The following TVP23A variants were observed in gnomAD, a reference collection of about 807,000 sequenced individuals.
TVP23A encodes Golgi apparatus membrane protein TVP23 homolog A.
A neutral mutation model predicts 31.7 loss-of-function variants in TVP23A; 21 were observed. The ratio of observed to expected loss-of-function variants is 0.66; its 90% CI spans 0.47 to 0.95. The LOEUF (loss-of-function observed/expected upper bound fraction) is 0.95. TVP23A is among the 40% of genes least tolerant of loss of function. The pLI is 0.00. For missense variants in TVP23A, 279 were observed against 255.6 expected, an observed-to-expected ratio of 1.09 and a Z score of -0.62; for synonymous variants, 104 against 96.0, an observed-to-expected ratio of 1.08 and a Z score of -0.49.
intron 2 of TVP23A, among the ~76,000 whole-genome samples, chr16:10,800,583 A>G (rs1360713300): frequency 6.6e-6 from 1 of 152,202 alleles, no homozygotes; most frequent in Non-Finnish European, 1.5e-5. Flanking sequence ...TTGAGTGGTC[A>G]TATTAACTCC....
In TVP23A at chr16:10,818,441, C is replaced by T. The variant is rs1430111891; in HGVS notation, c.9+44G>A. The T allele has an allele frequency of 6.3e-7, 1 of 1,595,340 alleles. No individual in the cohort carries two copies. The highest frequency in any genetic ancestry group is 8.5e-7 in the Non-Finnish European group (1 of 1,175,208). ...TTCTCCAGCGCTCCCGCAGGCTCCCCTCGTCCCGCCCCGCCTCCAGCCCCA... is the reference window on the plus strand; with the variant it reads ...TTCTCCAGCGCTCCCGCAGGCTCCCTTCGTCCCGCCCCGCCTCCAGCCCCA... On this transcript the variant is annotated intron_variant, in intron 1 of 7. Transcript: ENST00000299866. The surrounding 1 kb of genome is among the most constrained non-coding windows in gnomAD (Gnocchi z 4.7).
intron 2 of TVP23A, among the ~76,000 whole-genome samples, chr16:10,793,182 G>A (rs916187623): frequency 1.3e-5 from 2 of 152,030 alleles, no homozygotes; most frequent in African/African-American, 2.4e-5. Context: ...CTATCTACTC[G>A]GGAAGCTGAG....
intron 7 of TVP23A, 65 bp from the exon 8 acceptor site, chr16:10,769,166 C>A: frequency 6.6e-7 from 1 of 1,514,328 alleles, no homozygotes; most frequent in Non-Finnish European, 9.2e-7. Flanking sequence ...GCAGCACATC[C>A]AGCCAGACCC....
intron 7 of TVP23A, chr16:10,769,387 G>T: frequency 2.7e-6 from 1 of 375,434 alleles, no homozygotes; most frequent in East Asian, 5.0e-5. Context: ...AAACAAATGG[G>T]TTGTGGGATC....
chr16:10,794,240 C>T (rs1195851056), intron 2 of TVP23A, among the ~76,000 whole-genome samples: 1 of 152,220 alleles, frequency 6.6e-6, no homozygotes, highest in African/African-American at 2.4e-5. Flanking sequence ...ATGCATTTTA[C>T]AGGGGACAAA....
At chr16:10,791,406 C>T (rs1277032321) in intron 2 of TVP23A, among the ~76,000 whole-genome samples, 5 of 152,168 alleles carry the variant, frequency 3.3e-5, no homozygotes, top group Admixed American at 6.6e-5. Context: ...CTAAGGTTTT[C>T]CTTTTAATGA....
intron 6 of TVP23A, among the ~76,000 whole-genome samples, chr16:10,771,087 G>A (rs8048652): frequency 0.33 from 49,948 of 151,868 alleles, 9,110 homozygotes; most frequent in African/African-American, 0.49. Context: ...GGGGGAGTTA[G>A]TGTTTTGTGG....
At chr16:10,761,619 A>C in intron 8 of TVP23A, 2 of 982,004 alleles carry the variant, frequency 2.0e-6, no homozygotes, top group Non-Finnish European at 3.0e-6. Context: ...CTGCTGACTA[A>C]AGGAAAGTTC....
intron 2 of TVP23A, among the ~76,000 whole-genome samples, chr16:10,793,814 G>C (rs2033233488): frequency 7.6e-6 from 1 of 131,228 alleles, no homozygotes; most frequent in Non-Finnish European, 1.6e-5. Context: ...TGCGAGGACT[G>C]ATTGGGCCCA....
chr16:10,761,069 C>A (rs1900932285), downstream of TVP23A: 3 of 290,568 alleles, frequency 1.0e-5, no homozygotes, highest in Admixed American at 4.9e-5. Flanking sequence ...CAAACACTTA[C>A]AAAACCATCA....
At position 10,770,340 on chromosome 16, in the gene TVP23A, G is replaced by T; in HGVS notation, c.583-9C>A. 1 of 1,550,778 alleles carries T rather than the reference G, an allele frequency of 6.4e-7. No homozygotes were observed. The highest frequency in any genetic ancestry group is 8.7e-7 in the Non-Finnish European group (1 of 1,146,848). Reference sequence around the variant, plus strand: ...AAGTCACCTGGGCAGGCCTGCAAGGGGAAAAGTCAACCATGGTTTTCTGTC... The same window carrying T: ...AAGTCACCTGGGCAGGCCTGCAAGGTGAAAAGTCAACCATGGTTTTCTGTC... On this transcript the variant is annotated splice_polypyrimidine_tract_variant and intron_variant, in intron 6 of 7. Coordinates refer to ENST00000299866, the MANE Select transcript of TVP23A (RefSeq NM_001079512.4).
chr16:10,808,740 G>A, intron 2 of TVP23A: 2 of 306,542 alleles, frequency 6.5e-6, no homozygotes, highest in Non-Finnish European at 1.3e-5. Flanking sequence ...TTACACCACT[G>A]CACTCCAGCC....
intron 2 of TVP23A, among the ~76,000 whole-genome samples, chr16:10,816,925 TCA>T (rs58142989): frequency 0.2 from 29,037 of 145,648 alleles, 2,926 homozygotes; most frequent in South Asian, 0.26. Flanking sequence ...CAGGGAAACT[TCA>T]CACACACACA....
chr16:10,816,403 A>T (rs1267572428), intron 2 of TVP23A, among the ~76,000 whole-genome samples: 1 of 151,548 alleles, frequency 6.6e-6, no homozygotes, highest in Admixed American at 6.6e-5. Flanking sequence ...GTGTGATCTC[A>T]GCCCACTGCA....
At chr16:10,760,942 TCA>T (rs1219275697), downstream of TVP23A, 1 of 183,838 alleles carries the variant, frequency 5.4e-6, no homozygotes, top group East Asian at 1.4e-4. Context: ...TTTCATTGAT[TCA>T]CAGTTCTGCA....
intron 2 of TVP23A, among the ~76,000 whole-genome samples, chr16:10,796,911 G>T (rs1205128148): frequency 6.6e-6 from 1 of 152,086 alleles, no homozygotes; most frequent in African/African-American, 2.4e-5. Context: ...TTAAAGTTTA[G>T]AAAACTGGAA....
chr16:10,814,686 A>G (rs2034358223), intron 2 of TVP23A, among the ~76,000 whole-genome samples: 1 of 152,226 alleles, frequency 6.6e-6, no homozygotes, highest in South Asian at 2.1e-4. Context: ...GGCTATTTAC[A>G]TTCAAATTAA....
rs2034515216 is a variant in TVP23A at position 10,818,017 on chromosome 16, C to T, written c.89+86G>A. 1 of 1,185,506 alleles carries T rather than the reference C, an allele frequency of 8.4e-7. No individual in the cohort carries two copies. Among genetic ancestry groups the T allele is most frequent in the South Asian group, 1.3e-5 (1 of 76,308 alleles). 73.4% of individuals were successfully genotyped at this position (1,185,506 alleles called of 1,614,324 possible). A position where few individuals can be genotyped will look rare whatever the true frequency, so the allele number is the denominator to read the frequency against. The stretch of plus-strand genomic sequence containing the variant: ...CCCCAGACCTGGCACACAGTAGGTG[C>T]TCAATATATTTTGAATGAATGAGTG... On this transcript the variant is annotated intron_variant, in intron 2 of 7. Coordinates refer to ENST00000299866, the MANE Select transcript of TVP23A (RefSeq NM_001079512.4). The surrounding 1 kb of genome is among the most constrained non-coding windows in gnomAD (Gnocchi z 4.7).
rs758916891 is a variant in TVP23A at position 10,773,172 on chromosome 16, G to T, written c.453+141C>A. On this transcript the variant is annotated intron_variant, in intron 5 of 7. Transcript: ENST00000299866. ...ATTGTATACTTTAAATGGGTAAATT[G>T]TATGGAATGTGTATTATATCTCAAT... The T allele has an allele frequency of 6.3e-5, 73 of 1,153,666 alleles. 1 individual carries two copies. Among genetic ancestry groups the T allele is most frequent in the South Asian group, 6.1e-4 (32 of 52,510 alleles). 71.5% of individuals were successfully genotyped at this position (1,153,666 alleles called of 1,614,324 possible). A position where few individuals can be genotyped will look rare whatever the true frequency, so the allele number is the denominator to read the frequency against.
Sources: allele counts gnomAD v4.1 joint callset (sites outside exome capture counted in the v4.1 genomes callset), GRCh38; gene constraint gnomAD v4.1.1; non-coding constraint Gnocchi (gnomAD v3.1); transcripts MANE v1.5; gene names NCBI Gene and HGNC (gene_info 2026-07-23, HGNC 2026-07-21).